Variants in SSBP3 observed in about 807,000 individuals in gnomAD.
The protein encoded by SSBP3 is single-stranded DNA-binding protein 3.
In SSBP3, 5 loss-of-function variants were observed where a neutral mutation model predicts 69.6. That is an observed-to-expected ratio of 0.07 (90% CI 0.04 to 0.15). The LOEUF (loss-of-function observed/expected upper bound fraction) is 0.15. SSBP3 is among the 10% of genes least tolerant of loss of function. SSBP3 has a pLI of 1.00. For missense variants in SSBP3, 312 were observed against 534.0 expected (o/e 0.58, Z 4.10); for synonymous variants, 196 against 193.4 (o/e 1.01, Z -0.11).
chr1:54,226,611 T>C (rs986690607), exon 18 of SSBP3: 2 of 162,488 alleles, frequency 1.2e-5, no homozygotes, highest in Admixed American at 1.2e-4. Context: ...GTGGAAGGGC[T>C]TGGGCACAGA....
At chr1:54,338,152 T>C (rs942866003) in intron 4 of SSBP3, among the ~76,000 whole-genome samples, 1 of 152,238 alleles carries the variant, frequency 6.6e-6, no homozygotes, top group Non-Finnish European at 1.5e-5. Context: ...CTCCAGGAAG[T>C]TGCCTGTGAC....
chr1:54,406,181 T>C, exon 1 of SSBP3: 2 of 464,972 alleles, frequency 4.3e-6, no homozygotes, highest in South Asian at 4.2e-5. Context: ...AGGCGCTGGC[T>C]CCGCGCTCTT....
intron 14 of SSBP3, chr1:54,238,011 A>G (rs1248327124): frequency 2.6e-5 from 10 of 387,836 alleles, no homozygotes; most frequent in Non-Finnish European, 4.9e-5. Context: ...CTTTCCACCC[A>G]ACCTTCTGCA....
In SSBP3 at chr1:54,239,212, G is replaced by A. The variant is rs1434706981; in HGVS notation, c.857-13C>T. 6.3e-7 allele frequency: 1 copy of A among 1,598,858 alleles called. No homozygotes were observed. The highest frequency in any genetic ancestry group is 1.1e-5 in the South Asian group (1 of 88,126). ...GAATTTGTTGAATCTGTAGAACAGT[G>A]GAAACCCACAAGTCGGGGTGATTAA... is the stretch of plus-strand genomic sequence containing the variant. On this transcript the variant is annotated splice_polypyrimidine_tract_variant and intron_variant, in intron 13 of 17. Transcript: ENST00000610401.
intron 4 of SSBP3, among the ~76,000 whole-genome samples, chr1:54,294,320 C>G (rs1007339192): frequency 1.3e-5 from 2 of 152,062 alleles, no homozygotes; most frequent in Non-Finnish European, 2.9e-5. Context: ...TCGCCCCTCC[C>G]CTCCAAATAA....
At chr1:54,289,767 G>A (rs905633342) in intron 4 of SSBP3, among the ~76,000 whole-genome samples, 1 of 151,980 alleles carries the variant, frequency 6.6e-6, no homozygotes, top group African/African-American at 2.4e-5. Flanking sequence ...TTTCCTTAGA[G>A]AGCAAATCCC....
chr1:54,379,248 C>T (rs951655143), intron 4 of SSBP3, among the ~76,000 whole-genome samples: 2 of 152,226 alleles, frequency 1.3e-5, no homozygotes, highest in Admixed American at 6.5e-5. Context: ...CAGCACACCT[C>T]GGCCACCCTG....
chr1:54,228,728 C>A lies in SSBP3; in HGVS notation c.1006+20G>T. ...GCTGCCCAGGCAGGGTGGGGCATGG[C>A]GAGGGCAGGGGCCACTCACCTAATG... On this transcript the variant is annotated intron_variant, in intron 15 of 17. Coordinates refer to ENST00000610401, the Ensembl canonical transcript of SSBP3. 1 of 1,573,548 alleles carries A rather than the reference C, an allele frequency of 6.4e-7. No individual in the cohort carries two copies. Among genetic ancestry groups the A allele is most frequent in the South Asian group, 1.2e-5 (1 of 85,898 alleles).
intron 4 of SSBP3, among the ~76,000 whole-genome samples, chr1:54,296,328 G>A (rs555578554): frequency 6.6e-6 from 1 of 152,238 alleles, no homozygotes; most frequent in Non-Finnish European, 1.5e-5. Context: ...TTGCAAGTCA[G>A]AGATAGCAGG....
At position 54,258,057 on chromosome 1, in the gene SSBP3, C is replaced by T. The variant is rs200525817; in HGVS notation, c.447+12G>A. 14 of 1,577,650 alleles carry T rather than the reference C, an allele frequency of 8.9e-6. No homozygotes were observed. Among genetic ancestry groups the T allele is most frequent in the South Asian group, 5.8e-5 (5 of 85,712 alleles). The stretch of plus-strand genomic sequence containing the variant: ...GCGTCCCCGGCGGGCGGGAGCGCCA[C>T]GGTGCGTTTACCTGACTGTGGGGTC... On this transcript the variant is annotated intron_variant, in intron 6 of 17. Transcript: ENST00000610401. This position sits in a 1 kb window ranked among gnomAD's most constrained non-coding sequence, Gnocchi z 4.5.
chr1:54,291,094 G>T (rs1019589615), intron 4 of SSBP3, among the ~76,000 whole-genome samples: 7 of 152,114 alleles, frequency 4.6e-5, no homozygotes, highest in African/African-American at 1.7e-4. Flanking sequence ...CAGTTCCAAT[G>T]ACAACTTAAT....
chr1:54,389,032 T>C (rs1648286419), intron 4 of SSBP3, among the ~76,000 whole-genome samples: 1 of 152,160 alleles, frequency 6.6e-6, no homozygotes, highest in Admixed American at 6.5e-5. Context: ...CTAATATTGT[T>C]TAAGTTCTAG....
intron 4 of SSBP3, among the ~76,000 whole-genome samples, chr1:54,364,622 T>C (rs1647000804): frequency 6.6e-6 from 1 of 152,066 alleles, no homozygotes; most frequent in Non-Finnish European, 1.5e-5. Flanking sequence ...ATGTGAAAAA[T>C]GGGGAGGGGA....
intron 13 of SSBP3, among the ~76,000 whole-genome samples, chr1:54,240,148 T>C (rs1644603730): frequency 6.8e-6 from 1 of 147,748 alleles, no homozygotes. Context: ...TGTGCACGCA[T>C]GCCCTCTTTT....
At chr1:54,283,347 A>AT (rs1645431604) in intron 4 of SSBP3, among the ~76,000 whole-genome samples, 1 of 151,946 alleles carries the variant, frequency 6.6e-6, no homozygotes, top group East Asian at 1.9e-4. Flanking sequence ...TAATGTGCAA[A>AT]TCTCACTAAT....
In SSBP3 at chr1:54,227,125, G is replaced by A. The variant is rs768405555; in HGVS notation, c.*6C>T. On this transcript the variant is annotated 3_prime_UTR_variant, in exon 18 of 18. Coordinates refer to ENST00000610401, the Ensembl canonical transcript of SSBP3. ...CTGCTCTCTCAGCGTCTCGGAGAAGGGGGGATCACACACTCATCGTCATGC... is the reference window on the plus strand; with the variant it reads ...CTGCTCTCTCAGCGTCTCGGAGAAGAGGGGATCACACACTCATCGTCATGC... 33 of 1,590,850 alleles carry A rather than the reference G, an allele frequency of 2.1e-5. 1 individual carries two copies. The highest frequency in any genetic ancestry group is 1.1e-4 in the South Asian group (10 of 90,706).
intron 4 of SSBP3, among the ~76,000 whole-genome samples, chr1:54,386,231 C>A (rs1199860070): frequency 6.6e-6 from 1 of 152,190 alleles, no homozygotes; most frequent in East Asian, 1.9e-4. Flanking sequence ...ACCCCTCGCT[C>A]CCCACAGAAG....
chr1:54,262,243 C>T (rs771051279), intron 5 of SSBP3, among the ~76,000 whole-genome samples: 4 of 152,128 alleles, frequency 2.6e-5, no homozygotes, highest in Non-Finnish European at 5.9e-5. Flanking sequence ...GATCAATTGC[C>T]CCATTTTATT....
chr1:54,404,750 A>T (rs922916127), intron 2 of SSBP3, 108 bp downstream of exon 2: 11 of 1,339,774 alleles, frequency 8.2e-6, no homozygotes, highest in African/African-American at 1.5e-5. Flanking sequence ...AAAAGGTGAT[A>T]AAAATTCAAA....
Sources: allele counts gnomAD v4.1 joint callset (sites outside exome capture counted in the v4.1 genomes callset), GRCh38; gene constraint gnomAD v4.1.1; non-coding constraint Gnocchi (gnomAD v3.1); transcripts MANE v1.5; gene names NCBI Gene and HGNC (gene_info 2026-07-23, HGNC 2026-07-21).